Variants in CSF2RB observed in about 807,000 individuals in gnomAD.
The protein encoded by CSF2RB is cytokine receptor common subunit beta.
CSF2RB carries 22 observed loss-of-function variants against 67.2 expected under a neutral mutation model. That is an observed-to-expected ratio of 0.33 (90% CI 0.23 to 0.47). The LOEUF is 0.47. CSF2RB is among the 20% of genes least tolerant of loss of function. CSF2RB has a pLI of 1.00. For missense variants in CSF2RB, 1,113 were observed against 1,174.5 expected, an observed-to-expected ratio of 0.95 and a Z score of 0.76; for synonymous variants, 507 against 482.9, an observed-to-expected ratio of 1.05 and a Z score of -0.65.
chr22:36,913,709 G>C (rs79631592), intron 1 of CSF2RB, 32 bp downstream of exon 1: 1,993 of 152,616 alleles, frequency 0.013, 47 homozygotes, highest in African/African-American at 0.045. Flanking sequence ...CAGGGCTGAG[G>C]GGTGGGGTCA....
rs572164303 is a variant in CSF2RB at position 36,923,873 on chromosome 22, G to T, written c.200+506G>T. On this transcript the variant is annotated intron_variant, in intron 3 of 13. Coordinates refer to ENST00000403662, the MANE Select transcript of CSF2RB (RefSeq NM_000395.3). ...CAGTGGCAGAGCAAGCTGTGTGGAC[G>T]TGTCTGGGAGGGGGCTCCGCGCTCT... 4 of 1,033,366 alleles carry T rather than the reference G, an allele frequency of 3.9e-6. No homozygotes were observed. The African/African-American group carries it at 4.9e-5, about 13-fold the overall frequency. The allele number at this position is 1,033,366 out of a possible 1,614,324, so 64.0% of individuals were successfully genotyped here.
intron 8 of CSF2RB, among the ~76,000 whole-genome samples, chr22:36,931,310 C>T (rs1042714306): frequency 6.6e-6 from 1 of 152,204 alleles, no homozygotes; most frequent in Non-Finnish European, 1.5e-5. Flanking sequence ...GTAACAAGGA[C>T]CCCAGTGCAA....
intron 4 of CSF2RB, 58 bp from the exon 5 acceptor site, chr22:36,929,344 G>A: frequency 6.2e-7 from 1 of 1,612,648 alleles, no homozygotes; most frequent in African/African-American, 1.3e-5. Context: ...GGCCATGCAG[G>A]CCCTGACTGC....
chr22:36,922,611 TG>T, intron 2 of CSF2RB: 1 of 493,440 alleles, frequency 2.0e-6, no homozygotes, highest in Non-Finnish European at 3.7e-6. Context: ...TGTGCCTCAG[TG>T]GTTCCCACCT....
chr22:36,922,536 C>G (rs187683664), intron 2 of CSF2RB: 1 of 584,402 alleles, frequency 1.7e-6, no homozygotes, highest in Non-Finnish European at 3.1e-6. Context: ...GCACTCCCGG[C>G]CCCTAGGCTC....
Position 36,939,599 on chromosome 22 carries a change from A to C in CSF2RB, c.*1097A>C, listed in dbSNP as rs1941345462. 1 of 228,330 alleles carries C rather than the reference A, an allele frequency of 4.4e-6. No homozygotes were observed. The allele number at this position is 228,330 out of a possible 1,614,324, so 14.1% of individuals were successfully genotyped here. On this transcript the variant is annotated 3_prime_UTR_variant, in exon 14 of 14. Transcript: ENST00000403662. ...GCATTATTTTAGTTATCCAGTTTGC[A>C]CATATTTTTATAGGTATCTTAGGCA...
Position 36,938,670 on chromosome 22 carries a change from C to T in CSF2RB, c.*168C>T. On this transcript the variant is annotated 3_prime_UTR_variant, in exon 14 of 14. Coordinates refer to ENST00000403662, the MANE Select transcript of CSF2RB (RefSeq NM_000395.3). ...GGCCCCCTTGACCTTCAGCAAATCA[C>T]TTCTCTCCCTGCGCTCACACAGACA... The T allele has an allele frequency of 3.1e-6, 2 of 652,596 alleles. No homozygotes were observed. Among genetic ancestry groups the T allele is most frequent in the East Asian group, 5.5e-5 (2 of 36,622 alleles). 40.4% of individuals were successfully genotyped at this position (652,596 alleles called of 1,614,324 possible).
chr22:36,928,926 G>C (rs766579072), intron 4 of CSF2RB, among the ~76,000 whole-genome samples: 2 of 152,318 alleles, frequency 1.3e-5, no homozygotes, highest in Admixed American at 1.3e-4. Context: ...AGGAATGAGG[G>C]ATTCCGCCTG....
chr22:36,923,544 C>T (rs1197683730), intron 3 of CSF2RB, among the ~76,000 whole-genome samples, 177 bp downstream of exon 3: 4 of 152,134 alleles, frequency 2.6e-5, no homozygotes, highest in Admixed American at 1.3e-4. Flanking sequence ...CCTGCGAGGC[C>T]GGGTGCTGCC....
intron 9 of CSF2RB, 117 bp from the exon 10 acceptor site, chr22:36,933,715 C>G (rs1941208266): frequency 1.5e-6 from 2 of 1,375,496 alleles, no homozygotes; most frequent in Admixed American, 2.0e-5. Flanking sequence ...GAAGCCGCAG[C>G]AGGCCTGGGG....
chr22:36,927,434 C>T (rs2145798696), intron 4 of CSF2RB, among the ~76,000 whole-genome samples: 1 of 152,122 alleles, frequency 6.6e-6, no homozygotes, highest in African/African-American at 2.4e-5. Flanking sequence ...GAGGGAAGAG[C>T]TTTGCAACTC....
At chr22:36,920,403 C>A (rs569305341) in intron 1 of CSF2RB, among the ~76,000 whole-genome samples, 1 of 152,346 alleles carries the variant, frequency 6.6e-6, no homozygotes, top group East Asian at 1.9e-4. Flanking sequence ...AATACCCCAG[C>A]GAGCTCCCTT....
chr22:36,921,805 CT>C (rs1014555840), intron 1 of CSF2RB, among the ~76,000 whole-genome samples: 210 of 152,284 alleles, frequency 1.4e-3, no homozygotes, highest in African/African-American at 4.9e-3. Flanking sequence ...TCCTAGGCCC[CT>C]GTCTCAGCTG....
chr22:36,930,555 C>G, intron 7 of CSF2RB, 45 bp downstream of exon 7: 1 of 1,611,970 alleles, frequency 6.2e-7, no homozygotes, highest in African/African-American at 1.3e-5. Flanking sequence ...CTTGGCCTTG[C>G]TCTCTCCAAG....
chr22:36,935,467 G>A (rs761389645), intron 11 of CSF2RB, 26 bp downstream of exon 11: 7 of 1,611,880 alleles, frequency 4.3e-6, no homozygotes, highest in African/African-American at 2.7e-5. Flanking sequence ...GGGGCTGGAG[G>A]TGGCAGCCGA....
intron 3 of CSF2RB, 28 bp downstream of exon 3, chr22:36,923,395 G>C: frequency 1.2e-6 from 2 of 1,610,680 alleles, no homozygotes; most frequent in Non-Finnish European, 1.7e-6. Flanking sequence ...CAGGGGCCAC[G>C]GGCAGGGGCT....
intron 2 of CSF2RB, chr22:36,922,586 C>G (rs1271435007): frequency 7.4e-6 from 4 of 538,060 alleles, no homozygotes; most frequent in Non-Finnish European, 1.4e-5. Flanking sequence ...CCCTCCTTCC[C>G]CAGCAGACAC....
In CSF2RB at chr22:36,938,129, G is replaced by A. The variant is rs1438362242; in HGVS notation, c.2321G>A (p.Gly774Asp). The change falls in exon 14 of 14, where the codon GGC (glycine) becomes GAC (aspartate). Residue 774 changes from glycine to aspartate, a missense_variant. Gly to Asp is a moderately conservative substitution (Grantham distance 94, BLOSUM62 -1). This residue lies in a region of CSF2RB where 554 missense variants were observed against 517.9 expected (regional missense o/e 1.07). Coordinates refer to ENST00000403662, the MANE Select transcript of CSF2RB (RefSeq NM_000395.3). Reference sequence around the variant, plus strand: ...TATGTGGAGCTCCCTCCAATTGAGGGCCGGTCCCCCAGGTCACCAAGGAAC... The same window carrying A: ...TATGTGGAGCTCCCTCCAATTGAGGACCGGTCCCCCAGGTCACCAAGGAAC... ...EGYVELPPIE[G>D]RSPRSPRNNP... 1 of 1,614,026 alleles carries A rather than the reference G, an allele frequency of 6.2e-7. No homozygotes were observed. Among genetic ancestry groups the A allele is most frequent in the South Asian group, 1.1e-5 (1 of 91,076 alleles).
chr22:36,938,286 C>A lies in CSF2RB; in HGVS notation c.2478C>A (p.Pro826=). Residue 826 remains proline, a synonymous_variant, in exon 14 of 14, where the codon CCC becomes CCA. Transcript: ENST00000403662. The part of the protein sequence containing the change: ...LQQVGDYCFL[P]GLGPGPLSLR... Reference sequence around the variant, plus strand: ...AAGTGGGCGACTATTGCTTCCTCCCCGGCCTGGGGCCCGGCCCTCTCTCGC... The same window carrying A: ...AAGTGGGCGACTATTGCTTCCTCCCAGGCCTGGGGCCCGGCCCTCTCTCGC... 6.2e-7 allele frequency: 1 copy of A among 1,614,226 alleles called. No homozygotes were observed. Among genetic ancestry groups the A allele is most frequent in the Non-Finnish European group, 8.5e-7 (1 of 1,180,026 alleles).
Sources: gnomAD v4.1 joint callset for allele counts (sites outside exome capture counted in the v4.1 genomes callset) on GRCh38, gnomAD v4.1.1 for gene constraint, gnomAD v4.1.1 regional missense constraint, MANE v1.5 for transcripts, NCBI Gene and HGNC (gene_info 2026-07-23, HGNC 2026-07-21) for gene names.